Variants in KCNH8 observed in about 807,000 individuals in gnomAD.
The protein encoded by KCNH8 is voltage-gated delayed rectifier potassium channel KCNH8.
A neutral mutation model predicts 103.6 loss-of-function variants in KCNH8; 70 were observed. The observed-to-expected ratio is 0.68, with a 90% CI of 0.56 to 0.82. The LOEUF (loss-of-function observed/expected upper bound fraction) is 0.82, where lower values mean the gene tolerates loss of function less well. Ranked by LOEUF, KCNH8 falls within the 40% of genes least tolerant of loss-of-function variation. The pLI is 0.00. For missense variants in KCNH8, 1,217 were observed against 1,329.9 expected, an observed-to-expected ratio of 0.92 and a Z score of 1.32; for synonymous variants, 498 against 489.4, an observed-to-expected ratio of 1.02 and a Z score of -0.23.
chr3:19,283,277 A>T (rs561198943), intron 3 of KCNH8, among the ~76,000 whole-genome samples: 2 of 152,182 alleles, frequency 1.3e-5, no homozygotes, highest in South Asian at 2.1e-4. Flanking sequence ...CCAAAATTCT[A>T]TCTTAAAATG....
At chr3:19,310,380 C>T (rs2065192371) in intron 3 of KCNH8, among the ~76,000 whole-genome samples, 1 of 151,756 alleles carries the variant, frequency 6.6e-6, no homozygotes, top group Non-Finnish European at 1.5e-5. Context: ...AATATTTACC[C>T]AATGTGGTGC....
chr3:19,214,625 C>T (rs1425691564), intron 1 of KCNH8, among the ~76,000 whole-genome samples: 1 of 152,232 alleles, frequency 6.6e-6, no homozygotes. Flanking sequence ...CTCTCCTTCT[C>T]AATCCTGCTT....
chr3:19,463,033 A>T (rs2067665377), intron 11 of KCNH8, among the ~76,000 whole-genome samples: 1 of 152,176 alleles, frequency 6.6e-6, no homozygotes, highest in Admixed American at 6.6e-5. Context: ...TTCTTATCAT[A>T]ACTCCCTAAA....
At chr3:19,156,799 G>C (rs1386797645) in intron 1 of KCNH8, among the ~76,000 whole-genome samples, 3 of 151,964 alleles carry the variant, frequency 2.0e-5, no homozygotes, top group Non-Finnish European at 4.4e-5. Context: ...GGGTCATATA[G>C]AGGAAATTCT....
intron 7 of KCNH8, among the ~76,000 whole-genome samples, chr3:19,398,699 C>T (rs1188752840): frequency 6.6e-6 from 1 of 152,002 alleles, no homozygotes; most frequent in African/African-American, 2.4e-5. Flanking sequence ...TAGTGCCAAC[C>T]TCAGTGGGGT....
At chr3:19,426,694 G>T (rs554827472) in intron 7 of KCNH8, among the ~76,000 whole-genome samples, 1 of 152,108 alleles carries the variant, frequency 6.6e-6, no homozygotes, top group South Asian at 2.1e-4. Context: ...ATATGATACG[G>T]TCTTAAACAA....
chr3:19,409,797 A>G (rs149874758), intron 7 of KCNH8, among the ~76,000 whole-genome samples: 280 of 152,170 alleles, frequency 1.8e-3, no homozygotes, highest in African/African-American at 6.5e-3. Flanking sequence ...ATAATGATAA[A>G]TTGTTCAAGC....
At chr3:19,382,695 A>G (rs976006833) in intron 5 of KCNH8, among the ~76,000 whole-genome samples, 1 of 152,120 alleles carries the variant, frequency 6.6e-6, no homozygotes, top group Non-Finnish European at 1.5e-5. Context: ...AATAATGACA[A>G]CACCTACCCA....
At chr3:19,376,985 C>G (rs896606146) in intron 5 of KCNH8, among the ~76,000 whole-genome samples, 5 of 152,128 alleles carry the variant, frequency 3.3e-5, no homozygotes, top group African/African-American at 7.2e-5. Flanking sequence ...GATGGCACAA[C>G]CATAAACATA....
At chr3:19,378,518 C>T (rs535008724) in intron 5 of KCNH8, among the ~76,000 whole-genome samples, 4 of 152,294 alleles carry the variant, frequency 2.6e-5, no homozygotes, top group Admixed American at 2.0e-4. Flanking sequence ...GATAGGTGAG[C>T]ACCCTCTGCC....
At chr3:19,336,867 G>A (rs925685574) in intron 3 of KCNH8, among the ~76,000 whole-genome samples, 1 of 152,054 alleles carries the variant, frequency 6.6e-6, no homozygotes, top group Admixed American at 6.6e-5. Context: ...TGTAAAAGTA[G>A]GGATATGAGA....
At chr3:19,494,048 T>G (rs2068382793) in intron 11 of KCNH8, among the ~76,000 whole-genome samples, 1 of 152,094 alleles carries the variant, frequency 6.6e-6, no homozygotes, top group Admixed American at 6.5e-5. Context: ...TTGTTCTCTT[T>G]GTTTTCATTG....
chr3:19,363,225 C>G (rs1380986456), intron 5 of KCNH8, among the ~76,000 whole-genome samples: 1 of 152,170 alleles, frequency 6.6e-6, no homozygotes, highest in Non-Finnish European at 1.5e-5. Flanking sequence ...CATCCTTTAT[C>G]TGCAGTACTC....
chr3:19,533,976 C>T lies in KCNH8; in HGVS notation c.3201C>T (p.Asn1067=). ...QGTVSSFSLE[N]LPGSWNQEGM... is the part of the protein sequence containing the mutation. ...CTGTGAGTTCCTTCAGTCTGGAAAACTTACCAGGATCTTGGAACCAGGAAG... is the reference window on the plus strand; with the variant it reads ...CTGTGAGTTCCTTCAGTCTGGAAAATTTACCAGGATCTTGGAACCAGGAAG... The change falls in exon 16 of 16, where the codon AAC becomes AAT. Residue 1067 remains asparagine (N), a synonymous_variant. Transcript: ENST00000328405. 6.2e-7 allele frequency: 1 copy of T among 1,614,140 alleles called. No homozygotes were observed. Among genetic ancestry groups the T allele is most frequent in the East Asian group, 2.2e-5 (1 of 44,840 alleles).
At chr3:19,382,941 T>A (rs181293351) in intron 5 of KCNH8, among the ~76,000 whole-genome samples, 1 of 152,070 alleles carries the variant, frequency 6.6e-6, no homozygotes, top group Non-Finnish European at 1.5e-5. Context: ...TGACAGAAGA[T>A]CCACATCTTG....
intron 11 of KCNH8, among the ~76,000 whole-genome samples, chr3:19,484,457 A>T (rs898332573): frequency 9.9e-5 from 15 of 152,170 alleles, no homozygotes; most frequent in African/African-American, 1.4e-4. Flanking sequence ...TTTTACGATG[A>T]TTCTCCTCAT....
At chr3:19,327,391 G>A (rs1465373605) in intron 3 of KCNH8, among the ~76,000 whole-genome samples, 2 of 152,168 alleles carry the variant, frequency 1.3e-5, no homozygotes, top group African/African-American at 4.8e-5. Context: ...CTAGGTTCAA[G>A]CAACTCTCCT....
chr3:19,527,493 A>G (rs1171398915), intron 15 of KCNH8, among the ~76,000 whole-genome samples: 1 of 152,066 alleles, frequency 6.6e-6, no homozygotes, highest in Non-Finnish European at 1.5e-5. Flanking sequence ...TAATCCTCAC[A>G]ACAAGGCCCT....
chr3:19,268,247 A>G (rs1332871339), intron 2 of KCNH8, among the ~76,000 whole-genome samples: 2 of 152,116 alleles, frequency 1.3e-5, no homozygotes, highest in Non-Finnish European at 2.9e-5. Context: ...ATGGTAGAGA[A>G]TAACAGGGGG....
Sources: gnomAD v4.1 joint callset for allele counts (sites outside exome capture counted in the v4.1 genomes callset) on GRCh38, gnomAD v4.1.1 for gene constraint, MANE v1.5 for transcripts, NCBI Gene and HGNC (gene_info 2026-07-23, HGNC 2026-07-21) for gene names.